The following CBFA2T3 variants were observed in gnomAD, a reference collection of about 807,000 sequenced individuals.
CBFA2T3 encodes CBFA2/RUNX1 partner transcriptional co-repressor 3.
CBFA2T3 carries 31 observed loss-of-function variants against 58.6 expected under a neutral mutation model. The ratio of observed to expected loss-of-function variants is 0.53; its 90% CI spans 0.40 to 0.71. CBFA2T3 has a LOEUF of 0.71. CBFA2T3 is among the 30% of genes least tolerant of loss of function. CBFA2T3 has a pLI of 0.00. For synonymous variants in CBFA2T3, 531 were observed against 421.9 expected (o/e 1.26, Z -3.17); for missense variants, 1,076 against 963.1 (o/e 1.12, Z -1.55).
At chr16:88,929,707 A>G (rs1018833887) in intron 1 of CBFA2T3, among the ~76,000 whole-genome samples, 1 of 149,952 alleles carries the variant, frequency 6.7e-6, no homozygotes, top group Non-Finnish European at 1.5e-5. Flanking sequence ...GTCCACGCAA[A>G]AACTACCAAT....
intron 1 of CBFA2T3, among the ~76,000 whole-genome samples, chr16:88,970,588 C>T (rs938142338): frequency 2.0e-5 from 3 of 152,352 alleles, no homozygotes; most frequent in South Asian, 2.1e-4. Flanking sequence ...AAGGGATTGC[C>T]GTCTGCCCCT....
chr16:88,941,963 C>G (rs558250481), intron 1 of CBFA2T3: 6 of 151,186 alleles, frequency 4.0e-5, no homozygotes, highest in Non-Finnish European at 5.9e-5. Context: ...CTGGCCCGGC[C>G]CGGGGCCACC....
At chr16:88,932,718 C>T (rs1283878594) in intron 1 of CBFA2T3, among the ~76,000 whole-genome samples, 35 of 139,386 alleles carry the variant, frequency 2.5e-4, no homozygotes, top group African/African-American at 9.3e-4. Flanking sequence ...GAGGCTGAGG[C>T]AGGTGGATCA....
At chr16:88,946,903 C>T (rs972160414) in intron 1 of CBFA2T3, among the ~76,000 whole-genome samples, 9 of 152,190 alleles carry the variant, frequency 5.9e-5, no homozygotes, top group Non-Finnish European at 1.0e-4. Flanking sequence ...CCTCCCATCT[C>T]AGCCCCAGCT....
At position 88,952,549 on chromosome 16, in the gene CBFA2T3, A is replaced by T. The variant is rs564060776; in HGVS notation, c.151+24108T>A. 2.0e-5 allele frequency among the ~76,000 whole-genome samples: 3 copies of T among 151,712 alleles called. No homozygotes were observed. The South Asian group carries it at 6.2e-4, about 32-fold the overall frequency. On this transcript the variant is annotated intron_variant, in intron 1 of 11. Transcript: ENST00000268679. ...GCGGCCCTGCCACTCCCTGACCGAGATAAAGTCTCAGCTCCTGAGCCTGGG... is the reference window on the plus strand; with the variant it reads ...GCGGCCCTGCCACTCCCTGACCGAGTTAAAGTCTCAGCTCCTGAGCCTGGG...
At chr16:88,923,936 G>C (rs906780385) in intron 1 of CBFA2T3, among the ~76,000 whole-genome samples, 1 of 152,232 alleles carries the variant, frequency 6.6e-6, no homozygotes, top group African/African-American at 2.4e-5. Context: ...GATCACCACA[G>C]TGCAAGGACC....
At position 88,921,270 on chromosome 16, in the gene CBFA2T3, A is replaced by G. The variant is rs182732069; in HGVS notation, c.152-19614T>C. ...TTAAAAACATCTGCCACATAAATGA[A>G]TACCAATTAACTCATCCTGTTTTTA... On this transcript the variant is annotated intron_variant, in intron 1 of 11. Transcript: ENST00000268679. 4.9e-3 allele frequency among the ~76,000 whole-genome samples: 740 copies of G among 152,398 alleles called. 4 individuals carry two copies. Among genetic ancestry groups the G allele is most frequent in the Non-Finnish European group, 8.2e-3 (556 of 68,042 alleles).
At chr16:88,881,622 T>A in intron 8 of CBFA2T3, 133 bp from the exon 9 acceptor site, 1 of 881,410 alleles carries the variant, frequency 1.1e-6, no homozygotes, top group Non-Finnish European at 1.7e-6. Flanking sequence ...AGTAAGGGGG[T>A]GAGGGAGGGC....
intron 5 of CBFA2T3, 24 bp from the exon 6 acceptor site, chr16:88,886,166 TG>T: frequency 2.0e-6 from 3 of 1,500,720 alleles, no homozygotes; most frequent in Non-Finnish European, 2.7e-6. Flanking sequence ...AAGGAGGGCC[TG>T]GGTAGCATGC....
At chr16:88,939,421 T>A (rs894819940) in intron 1 of CBFA2T3, 1 of 152,102 alleles carries the variant, frequency 6.6e-6, no homozygotes, top group Non-Finnish European at 1.5e-5. Flanking sequence ...GATGCGACAC[T>A]CTCTTCCCTC....
At chr16:88,972,409 T>C (rs1245843051) in intron 1 of CBFA2T3, among the ~76,000 whole-genome samples, 2 of 152,150 alleles carry the variant, frequency 1.3e-5, no homozygotes, top group African/African-American at 4.8e-5. Flanking sequence ...CCCCTCTCTC[T>C]ATTACTAGCT....
intron 1 of CBFA2T3, among the ~76,000 whole-genome samples, chr16:88,906,812 C>T (rs75469892): frequency 3.9e-5 from 6 of 152,190 alleles, no homozygotes; most frequent in African/African-American, 1.2e-4. Flanking sequence ...CATGTGCCTG[C>T]AGCCCCCAGG....
At chr16:88,931,705 T>A (rs1021207087) in intron 1 of CBFA2T3, among the ~76,000 whole-genome samples, 1 of 152,136 alleles carries the variant, frequency 6.6e-6, no homozygotes, top group Non-Finnish European at 1.5e-5. Context: ...GGCCTGCAGC[T>A]CAGGCCTCTG....
chr16:88,931,282 T>C (rs1163642239), intron 1 of CBFA2T3, among the ~76,000 whole-genome samples: 1 of 152,092 alleles, frequency 6.6e-6, no homozygotes, highest in Admixed American at 6.5e-5. Flanking sequence ...TCTGTGAGCC[T>C]GGCTGTGCTG....
chr16:88,963,823 A>G (rs1231883667), intron 1 of CBFA2T3, among the ~76,000 whole-genome samples: 3 of 152,218 alleles, frequency 2.0e-5, no homozygotes, highest in South Asian at 4.1e-4. Context: ...GGATCCTGGA[A>G]TGCAGGGAGG....
intron 1 of CBFA2T3, among the ~76,000 whole-genome samples, chr16:88,969,394 G>A (rs1378446502): frequency 6.6e-6 from 1 of 152,250 alleles, no homozygotes; most frequent in East Asian, 1.9e-4. Context: ...GGCAGGGGTG[G>A]GAGGCCTGGT....
At chr16:88,910,174 C>T (rs1445378657) in intron 1 of CBFA2T3, among the ~76,000 whole-genome samples, 5 of 152,230 alleles carry the variant, frequency 3.3e-5, no homozygotes, top group East Asian at 3.8e-4. Context: ...CTTTGCATGG[C>T]GGTGTTTCTG....
intron 10 of CBFA2T3, chr16:88,880,008 T>C (rs1003661974): frequency 1.3e-5 from 2 of 158,856 alleles, no homozygotes; most frequent in Non-Finnish European, 2.8e-5. Context: ...ACCCTGCTGT[T>C]ATCCTCACCG....
chr16:88,917,795 G>A (rs1218856901), intron 1 of CBFA2T3, among the ~76,000 whole-genome samples: 1 of 152,146 alleles, frequency 6.6e-6, no homozygotes, highest in Non-Finnish European at 1.5e-5. Flanking sequence ...GCGCACGTAT[G>A]ACACACACAT....
Sources: allele counts gnomAD v4.1 joint callset (sites outside exome capture counted in the v4.1 genomes callset), GRCh38; gene constraint gnomAD v4.1.1; transcripts MANE v1.5; gene names NCBI Gene and HGNC (gene_info 2026-07-23, HGNC 2026-07-21).